The following RPS6KA2 variants were observed in gnomAD, a reference collection of about 807,000 sequenced individuals.
The protein encoded by RPS6KA2 is ribosomal protein S6 kinase alpha-2.
Under a neutral mutation model 91.8 loss-of-function variants are expected in RPS6KA2, and 42 were observed. That is an observed-to-expected ratio of 0.46 (90% CI 0.36 to 0.59). The LOEUF (loss-of-function observed/expected upper bound fraction) is 0.59, where lower values mean the gene tolerates loss of function less well. Among genes scored for constraint, RPS6KA2 ranks in the 20% least tolerant of loss-of-function variants. The probability of loss-of-function intolerance (pLI) is 0.00; values close to 1 mark genes in which losing one functional copy is unlikely to be tolerated. For synonymous variants in RPS6KA2, 414 were observed against 393.6 expected, an observed-to-expected ratio of 1.05 and a Z score of -0.61; for missense variants, 798 against 978.5, an observed-to-expected ratio of 0.82 and a Z score of 2.46.
At chr6:166,720,973 T>A (rs1345372139) in intron 2 of RPS6KA2, among the ~76,000 whole-genome samples, 1 of 152,194 alleles carries the variant, frequency 6.6e-6, no homozygotes, top group Non-Finnish European at 1.5e-5. Context: ...TAAAGGGTGA[T>A]TTCACAGTTA....
intron 1 of RPS6KA2, among the ~76,000 whole-genome samples, chr6:166,619,064 G>A (rs1214546025): frequency 1.3e-5 from 2 of 150,204 alleles, no homozygotes; most frequent in African/African-American, 2.5e-5. Context: ...TCAGATTCGC[G>A]CACGAGCCCT....
At chr6:166,491,756 C>T (rs1051882461) in intron 8 of RPS6KA2, among the ~76,000 whole-genome samples, 1 of 152,206 alleles carries the variant, frequency 6.6e-6, no homozygotes, top group Non-Finnish European at 1.5e-5. Flanking sequence ...CCAAAAAAAT[C>T]ACGCAGAATT....
intron 1 of RPS6KA2, among the ~76,000 whole-genome samples, chr6:166,574,523 C>T (rs540713485): frequency 3.3e-5 from 5 of 152,282 alleles, no homozygotes; most frequent in South Asian, 4.1e-4. Context: ...TATTCTATCA[C>T]GTATATGTAC....
At chr6:166,564,345 G>A (rs562025121) in intron 1 of RPS6KA2, among the ~76,000 whole-genome samples, 10 of 152,186 alleles carry the variant, frequency 6.6e-5, no homozygotes, top group Non-Finnish European at 1.3e-4. Flanking sequence ...AGTGTCAGTC[G>A]GACACTGGAG....
chr6:166,822,987 C>T (rs1024525554), intron 2 of RPS6KA2, among the ~76,000 whole-genome samples: 4 of 152,222 alleles, frequency 2.6e-5, no homozygotes, highest in East Asian at 1.9e-4. Context: ...GAGGGTATCA[C>T]TCTTTGATCA....
rs547625380 is a variant in RPS6KA2 at position 166,575,318 on chromosome 6, G to A, written c.100-36534C>T. ...CCGGGCTCAGGGAGTACGGGGGAGC[G>A]CTCAGAAGTGTACGGAGAACTATTT... is the stretch of plus-strand genomic sequence containing the variant. On this transcript the variant is annotated intron_variant, in intron 1 of 20. Coordinates refer to ENST00000265678, the MANE Select transcript of RPS6KA2 (RefSeq NM_021135.6). 3.9e-5 allele frequency among the ~76,000 whole-genome samples: 6 copies of A among 152,280 alleles called. No homozygotes were observed. In the East Asian group the frequency reaches 1.2e-3, roughly 29 times the overall value.
intron 3 of RPS6KA2, among the ~76,000 whole-genome samples, chr6:166,513,618 T>C (rs1782544230): frequency 6.6e-6 from 1 of 152,156 alleles, no homozygotes; most frequent in Non-Finnish European, 1.5e-5. Context: ...CCAGCCAGCA[T>C]GTGAGCACTG....
At chr6:166,788,606 T>G (rs7753295) in intron 2 of RPS6KA2, among the ~76,000 whole-genome samples, 1,699 of 152,270 alleles carry the variant, frequency 0.011, 31 homozygotes, top group African/African-American at 0.036. Flanking sequence ...AAATACTGCA[T>G]GTTCTCATTC....
intron 19 of RPS6KA2, among the ~76,000 whole-genome samples, chr6:166,415,294 C>T (rs1778460721): frequency 1.3e-5 from 2 of 152,046 alleles, no homozygotes; most frequent in African/African-American, 4.8e-5. Context: ...AAAACAAAAG[C>T]CTTTAGGGCT....
At chr6:166,566,318 C>T (rs1011954299) in intron 1 of RPS6KA2, among the ~76,000 whole-genome samples, 1 of 152,224 alleles carries the variant, frequency 6.6e-6, no homozygotes, top group Non-Finnish European at 1.5e-5. Flanking sequence ...TGCTCCTTGG[C>T]ATCTCCAAAG....
rs1277843202 is a variant in RPS6KA2 at position 166,554,202 on chromosome 6, T to C, written c.100-15418A>G. On this transcript the variant is annotated intron_variant, in intron 1 of 20. Transcript: ENST00000265678. The surrounding 1 kb of genome is among the most constrained non-coding windows in gnomAD (Gnocchi z 4.3). ...CCCACAGAGTGACATATTTTTCTTA[T>C]TAGACTTAGAGCTTTTCAAATAATG... 6.6e-6 allele frequency among the ~76,000 whole-genome samples: 1 copy of C among 152,232 alleles called. No individual in the cohort carries two copies. Among genetic ancestry groups the C allele is most frequent in the Non-Finnish European group, 1.5e-5 (1 of 68,042 alleles).
chr6:166,705,763 T>C (rs903273063), intron 2 of RPS6KA2, among the ~76,000 whole-genome samples: 1 of 152,218 alleles, frequency 6.6e-6, no homozygotes, highest in Non-Finnish European at 1.5e-5. Context: ...GTGATGTTGA[T>C]GGATTTACAG....
rs139754105 is a variant in RPS6KA2 at position 166,849,155 on chromosome 6, G to GGTCT, written c.123+9041_123+9044dup. 0.04 allele frequency among the ~76,000 whole-genome samples: 6,044 copies of GGTCT among 151,828 alleles called. 584 individuals carry two copies. Among genetic ancestry groups the GGTCT allele is most frequent in the East Asian group, 0.39 (1,973 of 5,072 alleles). On this transcript the variant is annotated intron_variant, in intron 2 of 21. Transcript: ENST00000503859. The surrounding 1 kb of genome is among the most constrained non-coding windows in gnomAD (Gnocchi z 4.9). ...GGCTTCCTTGGTCCGGCCATGCCAG[G>GGTCT]GTCTGTCTGTCTGTCTGTCTGGGAC... is the stretch of plus-strand genomic sequence containing the variant.
At chr6:166,751,083 C>T (rs4710090) in intron 2 of RPS6KA2, among the ~76,000 whole-genome samples, 46,991 of 152,088 alleles carry the variant, frequency 0.31, 8,176 homozygotes, top group Middle Eastern at 0.39. Flanking sequence ...ACGCAGTGCC[C>T]CCGAGCTGCA....
At position 166,580,837 on chromosome 6, in the gene RPS6KA2, A is replaced by G. The variant is rs533957647; in HGVS notation, c.100-42053T>C. Among the ~76,000 whole-genome samples the G allele has an allele frequency of 7.9e-5, 12 of 152,332 alleles. No homozygotes were observed. In the South Asian group the frequency reaches 2.5e-3, roughly 32 times the overall value. ...GAGGACATTAAATCTTTAAGTGGTT[A>G]AAGACACAAAACCCACAGGAATGAT... On this transcript the variant is annotated intron_variant, in intron 1 of 20. Coordinates refer to ENST00000265678, the MANE Select transcript of RPS6KA2 (RefSeq NM_021135.6).
At chr6:166,548,080 A>G (rs1783885289) in intron 1 of RPS6KA2, among the ~76,000 whole-genome samples, 2 of 152,382 alleles carry the variant, frequency 1.3e-5, no homozygotes, top group South Asian at 2.1e-4. Context: ...AAGTTTACGT[A>G]GGCTTTCAGA....
chr6:166,430,224 T>C (rs1286271760), intron 16 of RPS6KA2, among the ~76,000 whole-genome samples: 1 of 152,068 alleles, frequency 6.6e-6, no homozygotes, highest in Non-Finnish European at 1.5e-5. Context: ...CGCCTTGGCC[T>C]CTCAAAGTGC....
rs1379939307 is a variant in RPS6KA2 at position 166,767,417 on chromosome 6, A to G, written c.123+90783T>C. Among the ~76,000 whole-genome samples, 2 of 152,074 alleles carry G rather than the reference A, an allele frequency of 1.3e-5. No individual in the cohort carries two copies. The highest frequency in any genetic ancestry group is 3.9e-4 in the East Asian group (2 of 5,166). On this transcript the variant is annotated intron_variant, in intron 2 of 21. Transcript: ENST00000503859. The surrounding 1 kb of genome is among the most constrained non-coding windows in gnomAD (Gnocchi z 4.6). Reference sequence around the variant, plus strand: ...CAGATCAATGCGGTCCAGAGGTGAAAGCGTGGTTAGAGGAAGACAAAAAGG... The same window carrying G: ...CAGATCAATGCGGTCCAGAGGTGAAGGCGTGGTTAGAGGAAGACAAAAAGG...
chr6:166,428,819 C>T (rs1779017347), intron 16 of RPS6KA2, among the ~76,000 whole-genome samples: 1 of 151,792 alleles, frequency 6.6e-6, no homozygotes, highest in South Asian at 2.1e-4. Flanking sequence ...GAAATAGGAA[C>T]ACTTTTACAC....
Sources: allele counts gnomAD v4.1 joint callset (sites outside exome capture counted in the v4.1 genomes callset), GRCh38; gene constraint gnomAD v4.1.1; non-coding constraint Gnocchi (gnomAD v3.1); transcripts MANE v1.5; gene names NCBI Gene and HGNC (gene_info 2026-07-23, HGNC 2026-07-21).